The following UXS1 variants were observed in gnomAD, a reference collection of about 807,000 sequenced individuals.
UXS1 encodes the protein UDP-glucuronate decarboxylase 1.
UXS1 carries 33 observed loss-of-function variants against 62.6 expected under a neutral mutation model. The ratio of observed to expected loss-of-function variants is 0.53; its 90% CI spans 0.40 to 0.70. The LOEUF (loss-of-function observed/expected upper bound fraction) is 0.70, where lower values mean the gene tolerates loss of function less well. Among genes scored for constraint, UXS1 ranks in the 30% least tolerant of loss-of-function variants. The pLI is 0.00. For missense variants in UXS1, 434 were observed against 556.3 expected (o/e 0.78, Z 2.21); for synonymous variants, 213 against 206.8 (o/e 1.03, Z -0.26).
chr2:106,163,620 G>C, intron 4 of UXS1, 47 bp downstream of exon 4: 1 of 1,349,576 alleles, frequency 7.4e-7, no homozygotes. Flanking sequence ...ACTCAATTGA[G>C]ACAAACTTAT....
Position 106,096,752 on chromosome 2 carries a change from T to C in UXS1, c.1112A>G (p.Lys371Arg). 9 of 1,587,634 alleles carry C rather than the reference T, an allele frequency of 5.7e-6. No homozygotes were observed. The highest frequency in any genetic ancestry group is 7.7e-6 in the Non-Finnish European group (9 of 1,165,404). The change falls in exon 14 of 15, where the codon AAA (lysine) becomes AGA (arginine). Residue 371 changes from lysine to arginine, a missense_variant. Transcript: ENST00000283148. The part of the protein sequence containing the change: ...DDPQKRKPDI[K>R]KAKLMLGWEP... ...CCACCCCAGCATCAGCTTTGCTTTT[T>C]TGATGTCTGGTTTTCTTTTCTGTGG...
At chr2:106,148,075 C>G (rs1681712317) in intron 5 of UXS1, among the ~76,000 whole-genome samples, 1 of 152,216 alleles carries the variant, frequency 6.6e-6, no homozygotes, top group Non-Finnish European at 1.5e-5. Flanking sequence ...GAAGTTACGT[C>G]TTTGACTAAA....
At position 106,101,064 on chromosome 2, in the gene UXS1, G is replaced by A. The variant is rs1558673979; in HGVS notation, c.978C>T (p.Val326=). 10 of 1,613,898 alleles carry A rather than the reference G, an allele frequency of 6.2e-6. No homozygotes were observed. Among genetic ancestry groups the A allele is most frequent in the Non-Finnish European group, 8.5e-6 (10 of 1,179,874 alleles). Residue 326 remains valine, a synonymous_variant, in exon 12 of 15, where the codon GTC becomes GTT. Coordinates refer to ENST00000283148, the MANE Select transcript of UXS1 (RefSeq NM_001253875.2). ...GAGGGAGAGGAGCACTCACCAGGTT[G>A]ACCGGGCTGCTGACGTTGCTGTTCA... ...ALMNSNVSSP[V]NLGNPEEHTI...
intron 1 of UXS1, 24 bp from the exon 2 acceptor site, chr2:106,166,107 G>C (rs559999299): frequency 1.5e-5 from 24 of 1,605,828 alleles, no homozygotes; most frequent in Middle Eastern, 1.6e-4. Context: ...AAAAAAGGAA[G>C]TCAATGTTTA....
chr2:106,101,292 C>A lies in UXS1; in HGVS notation c.924-174G>T, dbSNP rs1204510518. The A allele has an allele frequency of 4.9e-6, 3 of 615,158 alleles. No individual in the cohort carries two copies. In the Admixed American group the frequency reaches 9.8e-5, roughly 20 times the overall value. 38.1% of individuals were successfully genotyped at this position (615,158 alleles called of 1,614,324 possible). On this transcript the variant is annotated intron_variant, in intron 11 of 14. Transcript: ENST00000283148. ...ACAAACTAAGATGGTGTTTACAATG[C>A]GAAAGTATTTATGGATGAAATGATA...
intron 9 of UXS1, among the ~76,000 whole-genome samples, chr2:106,120,525 G>C (rs921567249): frequency 1.9e-4 from 29 of 152,168 alleles, no homozygotes; most frequent in African/African-American, 6.0e-4. Context: ...TTCTCACCTG[G>C]GCAGATGCAA....
rs538789835 is a variant in UXS1 at position 106,108,795 on chromosome 2, T to G, written c.879+3851A>C. Among the ~76,000 whole-genome samples, 3 of 152,286 alleles carry G rather than the reference T, an allele frequency of 2.0e-5. No individual in the cohort carries two copies. The South Asian group carries it at 6.2e-4, about 32-fold the overall frequency. On this transcript the variant is annotated intron_variant, in intron 10 of 14. Coordinates refer to ENST00000283148, the MANE Select transcript of UXS1 (RefSeq NM_001253875.2). The stretch of plus-strand genomic sequence containing the variant: ...TTAGCAATGTCCCCAGCCGCTGTGC[T>G]TTATGTGTTTAAGATGTAACAAAGA...
At chr2:106,128,332 A>G (rs1446757188) in intron 7 of UXS1, among the ~76,000 whole-genome samples, 1 of 152,186 alleles carries the variant, frequency 6.6e-6, no homozygotes, top group African/African-American at 2.4e-5. Flanking sequence ...ATCTTACTCC[A>G]AACAACCTGT....
intron 10 of UXS1, among the ~76,000 whole-genome samples, chr2:106,108,297 T>A (rs952836193): frequency 3.3e-5 from 5 of 152,102 alleles, no homozygotes; most frequent in African/African-American, 1.2e-4. Context: ...AAGAAAGGGG[T>A]GTGTGTGCAA....
At chr2:106,178,622 A>G (rs549784652) in intron 1 of UXS1, among the ~76,000 whole-genome samples, 20 of 152,046 alleles carry the variant, frequency 1.3e-4, no homozygotes, top group African/African-American at 4.3e-4. Flanking sequence ...GTGTGTGTGT[A>G]TATATGTTAG....
intron 1 of UXS1, among the ~76,000 whole-genome samples, chr2:106,168,016 C>T (rs565397970): frequency 6.6e-6 from 1 of 152,248 alleles, no homozygotes; most frequent in South Asian, 2.1e-4. Context: ...ACAAAATTAG[C>T]TGGGCATGGT....
intron 10 of UXS1, among the ~76,000 whole-genome samples, chr2:106,106,318 C>A (rs1219104278): frequency 7.0e-6 from 1 of 142,918 alleles, no homozygotes; most frequent in African/African-American, 2.6e-5. Context: ...GAGCCGAGAT[C>A]GTGCCATTGC....
chr2:106,178,046 C>T (rs924434665), intron 1 of UXS1, among the ~76,000 whole-genome samples: 1 of 152,214 alleles, frequency 6.6e-6, no homozygotes. Context: ...AAACCTCTTC[C>T]ATCGCAGGCG....
chr2:106,166,679 G>C (rs912403984), intron 1 of UXS1, among the ~76,000 whole-genome samples: 1 of 141,306 alleles, frequency 7.1e-6, no homozygotes, highest in Admixed American at 7.2e-5. Flanking sequence ...GGGGTCTAGA[G>C]TTGGACAGTG....
chr2:106,194,116 G>A lies in UXS1; in HGVS notation c.94+32C>T, dbSNP rs148211306. The stretch of plus-strand genomic sequence containing the variant: ...CACCGCGGCGCCGGGGAATGAATGG[G>A]GCTCCCCAGCTGGCAGCGGGCGCGC... On this transcript the variant is annotated intron_variant, in intron 1 of 14. Coordinates refer to ENST00000283148, the MANE Select transcript of UXS1 (RefSeq NM_001253875.2). 3.4e-4 allele frequency: 492 copies of A among 1,442,426 alleles called. 3 individuals are homozygous for A. In the African/African-American group the frequency reaches 6.3e-3, roughly 18 times the overall value. 89.4% of individuals were successfully genotyped at this position (1,442,426 alleles called of 1,614,324 possible).
chr2:106,125,397 G>A lies in UXS1; in HGVS notation c.637+223C>T, dbSNP rs529749335. Among the ~76,000 whole-genome samples the A allele has an allele frequency of 7.0e-4, 107 of 152,342 alleles. 2 individuals are homozygous for A. The highest frequency in any genetic ancestry group is 5.6e-3 in the South Asian group (27 of 4,824). On this transcript the variant is annotated intron_variant, in intron 8 of 14. Coordinates refer to ENST00000283148, the MANE Select transcript of UXS1 (RefSeq NM_001253875.2). ...TAAATGGTGGGTCTTTACTGGCCAGGTGACAGGGTGCAGACCTCCAGTGAT... is the reference window on the plus strand; with the variant it reads ...TAAATGGTGGGTCTTTACTGGCCAGATGACAGGGTGCAGACCTCCAGTGAT...
chr2:106,129,639 G>A (rs1680265343), intron 7 of UXS1, 35 bp downstream of exon 7: 1 of 1,513,766 alleles, frequency 6.6e-7, no homozygotes, highest in Admixed American at 1.9e-5. Context: ...AATATTCCCA[G>A]CAACAGCCAA....
chr2:106,178,373 G>A (rs1410648606), intron 1 of UXS1, among the ~76,000 whole-genome samples: 2 of 152,124 alleles, frequency 1.3e-5, no homozygotes, highest in African/African-American at 4.8e-5. Context: ...ATATGTATAT[G>A]TACCACTATA....
intron 1 of UXS1, among the ~76,000 whole-genome samples, chr2:106,185,509 A>G (rs1279632518): frequency 6.6e-6 from 1 of 152,204 alleles, no homozygotes; most frequent in Non-Finnish European, 1.5e-5. Flanking sequence ...GGTTTGGGGT[A>G]GAAAAAGAAA....
Sources: gnomAD v4.1 joint callset for allele counts (sites outside exome capture counted in the v4.1 genomes callset) on GRCh38, gnomAD v4.1.1 for gene constraint, MANE v1.5 for transcripts, NCBI Gene and HGNC (gene_info 2026-07-23, HGNC 2026-07-21) for gene names.